The following LPXN variants were observed in gnomAD, a reference collection of about 807,000 sequenced individuals.
The protein encoded by LPXN is leupaxin.
A neutral mutation model predicts 45.6 loss-of-function variants in LPXN; 28 were observed. The observed-to-expected ratio is 0.61, with a 90% CI of 0.45 to 0.84. The LOEUF is 0.84. LPXN is among the 40% of genes least tolerant of loss of function. The pLI is 0.00. For missense variants in LPXN, 459 were observed against 475.0 expected (o/e 0.97, Z 0.31); for synonymous variants, 166 against 169.9 (o/e 0.98, Z 0.18).
intron 7 of LPXN, among the ~76,000 whole-genome samples, chr11:58,539,394 A>G (rs1179780630): frequency 1.3e-5 from 2 of 152,150 alleles, no homozygotes; most frequent in African/African-American, 4.8e-5. Flanking sequence ...GAAATAATGA[A>G]CACTGCTAAT....
At chr11:58,549,746 C>T (rs762579429) in intron 7 of LPXN, 40 bp downstream of exon 7, 17 of 1,572,826 alleles carry the variant, frequency 1.1e-5, no homozygotes, top group Non-Finnish European at 1.5e-5. Flanking sequence ...TATAACTACC[C>T]ACTGGGGTGT....
At chr11:58,563,602 T>C (rs983881191) in intron 3 of LPXN, among the ~76,000 whole-genome samples, 1 of 152,268 alleles carries the variant, frequency 6.6e-6, no homozygotes, top group South Asian at 2.1e-4. Flanking sequence ...TTTTTCAGAC[T>C]GCCAATTCTG....
At chr11:58,556,506 A>G (rs773176733) in intron 3 of LPXN, among the ~76,000 whole-genome samples, 16 of 152,120 alleles carry the variant, frequency 1.1e-4, no homozygotes, top group Non-Finnish European at 2.2e-4. Flanking sequence ...TCTAGAATAC[A>G]TTATCAAACA....
rs111903085 is a variant in LPXN at position 58,527,535 on chromosome 11, T to C, written c.1080A>G (p.Thr360=). The C allele has an allele frequency of 6.2e-7, 1 of 1,614,156 alleles. No homozygotes were observed. The highest frequency in any genetic ancestry group is 8.5e-7 in the Non-Finnish European group (1 of 1,180,024). The part of the protein sequence containing the change: ...PEHFVCAFCL[T]QLSKGIFREQ... ...CCCTGAAAATGCCCTTCGACAACTG[T>C]GTCAGGCAGAAAGCACACACAAAGT... The change falls in exon 9 of 9, where the codon ACA becomes ACG. Residue 360 remains threonine (T), a synonymous_variant. Coordinates refer to ENST00000395074, the MANE Select transcript of LPXN (RefSeq NM_004811.3).
chr11:58,568,462 G>T (rs539855994), intron 2 of LPXN, among the ~76,000 whole-genome samples: 1 of 152,106 alleles, frequency 6.6e-6, no homozygotes, highest in Admixed American at 6.5e-5. Context: ...AATTAGCTGC[G>T]CATGGTGGTG....
At position 58,549,840 on chromosome 11, in the gene LPXN, A is replaced by G; in HGVS notation, c.688T>C (p.Trp230Arg). Residue 230 changes from tryptophan (W) to arginine (R), a missense_variant, in exon 7 of 9, where the codon TGG (tryptophan) becomes CGG (arginine). Coordinates refer to ENST00000395074, the MANE Select transcript of LPXN (RefSeq NM_004811.3). ...GAGCAGAAGAAGTGCTCTGGGTGCC[A>G]GGTCTGGTTCATTGCTGTCAGCACT... ...DKVLTAMNQT[W>R]HPEHFFCSHC... 1 of 1,614,208 alleles carries G rather than the reference A, an allele frequency of 6.2e-7. No homozygotes were observed. Among genetic ancestry groups the G allele is most frequent in the South Asian group, 1.1e-5 (1 of 91,086 alleles).
intron 2 of LPXN, among the ~76,000 whole-genome samples, chr11:58,565,533 CAA>C (rs35101887): frequency 2.4e-4 from 30 of 125,982 alleles, no homozygotes; most frequent in South Asian, 2.4e-4. Context: ...GACTCGGTCT[CAA>C]AAAAAAAAAA....
chr11:58,570,514 T>C, intron 2 of LPXN, 42 bp downstream of exon 2: 1 of 1,474,910 alleles, frequency 6.8e-7, no homozygotes, highest in Non-Finnish European at 9.3e-7. Flanking sequence ...AGAAATGCAC[T>C]CAAACATCCA....
intron 1 of LPXN, among the ~76,000 whole-genome samples, chr11:58,572,388 T>A (rs1330404549): frequency 6.6e-6 from 1 of 152,044 alleles, no homozygotes; most frequent in Non-Finnish European, 1.5e-5. Context: ...CAAACTGAAC[T>A]AAACTCTCGG....
chr11:58,577,032 TCCTCCCA>T (rs1854912338), upstream of LPXN, among the ~76,000 whole-genome samples: 1 of 152,116 alleles, frequency 6.6e-6, no homozygotes, highest in Admixed American at 6.5e-5. Flanking sequence ...GCTCAAGGGA[TCCTCCCA>T]CTTTGGCATC....
chr11:58,546,415 T>C (rs775196087), intron 7 of LPXN, among the ~76,000 whole-genome samples: 2 of 152,234 alleles, frequency 1.3e-5, no homozygotes, highest in Admixed American at 6.5e-5. Context: ...ATCAGAGATG[T>C]TGGACACCAT....
chr11:58,564,148 A>T lies in LPXN; in HGVS notation c.218+7T>A. ...TTTTTAAAAGCATTTAATAGAAAAAAAAATACCTGTAGACATTGAGCTCCT... is the reference window on the plus strand; with the variant it reads ...TTTTTAAAAGCATTTAATAGAAAAATAAATACCTGTAGACATTGAGCTCCT... On this transcript the variant is annotated splice_region_variant and intron_variant, in intron 3 of 8. Coordinates refer to ENST00000395074, the MANE Select transcript of LPXN (RefSeq NM_004811.3). The T allele has an allele frequency of 6.4e-7, 1 of 1,568,154 alleles. No homozygotes were observed. The highest frequency in any genetic ancestry group is 8.7e-7 in the Non-Finnish European group (1 of 1,149,690).
chr11:58,547,808 A>G (rs571614043), intron 7 of LPXN, among the ~76,000 whole-genome samples: 2 of 152,222 alleles, frequency 1.3e-5, no homozygotes, highest in African/African-American at 4.8e-5. Context: ...TTTTAACAGT[A>G]ATCAGAAAAG....
chr11:58,537,668 A>T (rs1198150573), intron 7 of LPXN, among the ~76,000 whole-genome samples: 1 of 152,148 alleles, frequency 6.6e-6, no homozygotes, highest in African/African-American at 2.4e-5. Context: ...ATAATAATAA[A>T]AACGAAATAG....
intron 1 of LPXN, among the ~76,000 whole-genome samples, chr11:58,574,573 C>A (rs570119927): frequency 4.6e-5 from 7 of 150,900 alleles, no homozygotes; most frequent in East Asian, 1.9e-4. Context: ...CCATCCCCCC[C>A]AAAAAAAAGA....
At chr11:58,558,217 G>C (rs1417022747) in intron 3 of LPXN, among the ~76,000 whole-genome samples, 3 of 151,642 alleles carry the variant, frequency 2.0e-5, no homozygotes, top group African/African-American at 7.3e-5. Flanking sequence ...GTGTCTTATA[G>C]AGTAACAATA....
chr11:58,528,935 C>A (rs1235716039), intron 7 of LPXN, among the ~76,000 whole-genome samples: 1 of 152,076 alleles, frequency 6.6e-6, no homozygotes, highest in Middle Eastern at 3.2e-3. Flanking sequence ...CTTGATATAT[C>A]CATATATTTC....
intron 7 of LPXN, among the ~76,000 whole-genome samples, chr11:58,547,583 A>T (rs547572139): frequency 6.6e-6 from 1 of 152,154 alleles, no homozygotes; most frequent in Non-Finnish European, 1.5e-5. Context: ...AAGGCTGGCA[A>T]TAAGGGTGAG....
At chr11:58,563,990 C>T (rs1005378251) in intron 3 of LPXN, among the ~76,000 whole-genome samples, 165 bp downstream of exon 3, 4 of 152,196 alleles carry the variant, frequency 2.6e-5, no homozygotes, top group African/African-American at 7.2e-5. Flanking sequence ...GTTGTCAAGT[C>T]AGCTTCACAG....
Sources: gnomAD v4.1 joint callset for allele counts (sites outside exome capture counted in the v4.1 genomes callset) on GRCh38, gnomAD v4.1.1 for gene constraint, MANE v1.5 for transcripts, NCBI Gene and HGNC (gene_info 2026-07-23, HGNC 2026-07-21) for gene names.